The following CREB1 variants were observed in gnomAD, a reference collection of about 807,000 sequenced individuals.
CREB1 encodes the protein cAMP responsive element binding protein 1.
Under a neutral mutation model 42.0 loss-of-function variants are expected in CREB1, and 2 were observed. The observed-to-expected ratio is 0.05, with a 90% CI of 0.02 to 0.15. The LOEUF (loss-of-function observed/expected upper bound fraction) is 0.15, where lower values mean the gene tolerates loss of function less well. Ranked by LOEUF, CREB1 falls within the 10% of genes least tolerant of loss-of-function variation. CREB1 has a pLI of 1.00. For missense variants in CREB1, 199 were observed against 388.9 expected, an observed-to-expected ratio of 0.51 and a Z score of 4.11; for synonymous variants, 123 against 139.9, an observed-to-expected ratio of 0.88 and a Z score of 0.85.
chr2:207,540,109 G>A (rs929747862), intron 1 of CREB1, among the ~76,000 whole-genome samples: 2 of 152,146 alleles, frequency 1.3e-5, no homozygotes, highest in Non-Finnish European at 2.9e-5. Flanking sequence ...ATGACAGATT[G>A]CATATACAAC....
intron 3 of CREB1, among the ~76,000 whole-genome samples, chr2:207,565,488 C>CTTT (rs574018651): frequency 7.4e-6 from 1 of 135,240 alleles, no homozygotes; most frequent in Non-Finnish European, 1.6e-5. Context: ...GAAAGGCAAC[C>CTTT]TTTTTTTTTT....
At position 207,573,675 on chromosome 2, in the gene CREB1, G is replaced by T. The variant is rs370761439; in HGVS notation, c.506-1597G>T. ...TTGAGCCCACCAGTTGGAGGCTACA[G>T]TGAGCTGTGATCTTGCCACTGCACT... On this transcript the variant is annotated intron_variant, in intron 5 of 7. Transcript: ENST00000353267. Among the ~76,000 whole-genome samples, 59 of 152,346 alleles carry T rather than the reference G, an allele frequency of 3.9e-4. 2 individuals carry two copies. The South Asian group carries it at 0.012, about 31-fold the overall frequency.
intron 1 of CREB1, among the ~76,000 whole-genome samples, chr2:207,536,534 G>A (rs188931870): frequency 2.6e-5 from 4 of 152,264 alleles, no homozygotes; most frequent in South Asian, 4.1e-4. Context: ...CAGGCTGGGC[G>A]ACAAGAGCGA....
intron 7 of CREB1, among the ~76,000 whole-genome samples, chr2:207,584,163 A>G (rs1427984432): frequency 1.3e-5 from 2 of 152,236 alleles, no homozygotes; most frequent in African/African-American, 4.8e-5. Context: ...AACATGAGTA[A>G]ATATCTAGGA....
chr2:207,569,035 A>G (rs2082250188), intron 4 of CREB1, among the ~76,000 whole-genome samples: 2 of 151,990 alleles, frequency 1.3e-5, no homozygotes, highest in African/African-American at 4.8e-5. Flanking sequence ...GAGCAGATAC[A>G]TGTCTGTTTT....
chr2:207,574,733 T>A (rs2082507265), intron 5 of CREB1, among the ~76,000 whole-genome samples: 1 of 152,190 alleles, frequency 6.6e-6, no homozygotes, highest in Non-Finnish European at 1.5e-5. Flanking sequence ...TTTCATTGAG[T>A]GGATTAGATA....
intron 2 of CREB1, chr2:207,559,311 C>T (rs2081863753): frequency 2.0e-6 from 2 of 979,590 alleles, no homozygotes; most frequent in African/African-American, 1.8e-5. Flanking sequence ...CACATTCTTC[C>T]CTGATAGCCT....
At chr2:207,532,214 G>T (rs1025206187) in intron 1 of CREB1, among the ~76,000 whole-genome samples, 11 of 151,854 alleles carry the variant, frequency 7.2e-5, no homozygotes, top group African/African-American at 2.4e-4. Flanking sequence ...AATTAGCCGG[G>T]TGTGGTGGCA....
At chr2:207,567,603 G>A in intron 4 of CREB1, 40 bp downstream of exon 4, 1 of 1,399,450 alleles carries the variant, frequency 7.1e-7, no homozygotes. Flanking sequence ...TGTGGAGGAA[G>A]TCTTAGGTAG....
chr2:207,571,264 C>G (rs556874245), intron 5 of CREB1, among the ~76,000 whole-genome samples: 1 of 151,952 alleles, frequency 6.6e-6, no homozygotes, highest in Admixed American at 6.5e-5. Context: ...ATTCCCAGCA[C>G]TTTGGGAAGC....
intron 7 of CREB1, among the ~76,000 whole-genome samples, chr2:207,594,314 T>C (rs1378105494): frequency 6.6e-6 from 1 of 152,194 alleles, no homozygotes; most frequent in Non-Finnish European, 1.5e-5. Context: ...TGTGGTGCAG[T>C]AGATTTCCAG....
chr2:207,548,696 A>G (rs2081387682), intron 1 of CREB1, among the ~76,000 whole-genome samples: 1 of 152,120 alleles, frequency 6.6e-6, no homozygotes, highest in Admixed American at 6.5e-5. Context: ...TGTTGCAGTG[A>G]GCCGAGATCA....
At chr2:207,558,321 A>G (rs2081814927) in intron 2 of CREB1, among the ~76,000 whole-genome samples, 1 of 151,886 alleles carries the variant, frequency 6.6e-6, no homozygotes, top group African/African-American at 2.4e-5. Context: ...TTCCATTACA[A>G]CCCCAGTCAC....
At chr2:207,581,563 G>A (rs1051401633) in intron 7 of CREB1, 2 of 248,982 alleles carry the variant, frequency 8.0e-6, no homozygotes, top group African/African-American at 2.2e-5. Context: ...TCTAAAGTCA[G>A]TTTTTTTACT....
Position 207,604,180 on chromosome 2 carries a change from CTTGTCATTTGA to C in CREB1, c.*7123_*7133del, listed in dbSNP as rs2087641975. On this transcript the variant is annotated 3_prime_UTR_variant, in exon 8 of 8. Coordinates refer to ENST00000353267, the MANE Select transcript of CREB1 (RefSeq NM_004379.5). ...GGACCTTCAGGAAAAGATTGCCCAT[CTTGTCATTTGA>C]CCAGGCACTGAAGTGACAAGACCAT... Among the ~76,000 whole-genome samples the C allele has an allele frequency of 6.6e-6, 1 of 152,220 alleles. No individual in the cohort carries two copies. The highest frequency in any genetic ancestry group is 1.5e-5 in the Non-Finnish European group (1 of 68,026).
intron 1 of CREB1, among the ~76,000 whole-genome samples, chr2:207,530,985 T>A (rs1259367392): frequency 2.0e-5 from 3 of 151,502 alleles, no homozygotes; most frequent in African/African-American, 4.8e-5. Context: ...TTTTTTTTTT[T>A]AAAGTCAGTC....
At chr2:207,564,896 G>C (rs919733803) in intron 3 of CREB1, among the ~76,000 whole-genome samples, 17 of 152,040 alleles carry the variant, frequency 1.1e-4, no homozygotes, top group African/African-American at 4.1e-4. Flanking sequence ...TAAAAGGAAG[G>C]GGTTCCATCA....
At chr2:207,554,652 G>A (rs2081643448) in intron 1 of CREB1, among the ~76,000 whole-genome samples, 1 of 152,138 alleles carries the variant, frequency 6.6e-6, no homozygotes, top group South Asian at 2.1e-4. Context: ...CTGCCATCCA[G>A]TGTTACATTA....
intron 1 of CREB1, among the ~76,000 whole-genome samples, chr2:207,536,756 G>A (rs1365455816): frequency 1.3e-5 from 2 of 151,750 alleles, no homozygotes; most frequent in Non-Finnish European, 2.9e-5. Flanking sequence ...TTGGGAGGTC[G>A]AGGCGGGCGG....
Sources: allele counts gnomAD v4.1 joint callset (sites outside exome capture counted in the v4.1 genomes callset), GRCh38; gene constraint gnomAD v4.1.1; transcripts MANE v1.5; gene names NCBI Gene and HGNC (gene_info 2026-07-23, HGNC 2026-07-21).